PLD1: variants seen among roughly 807,000 people sequenced by gnomAD.
PLD1 encodes phospholipase D1, also known as choline phosphatase 1.
In PLD1, 112 loss-of-function variants were observed where a neutral mutation model predicts 137.1. That is an observed-to-expected ratio of 0.82 (90% CI 0.70 to 0.96). PLD1 has a LOEUF of 0.96. Ranked by LOEUF, PLD1 falls within the 40% of genes least tolerant of loss-of-function variation. PLD1 has a pLI of 0.00. For missense variants in PLD1, 1,321 were observed against 1,342.0 expected (o/e 0.98, Z 0.24); for synonymous variants, 431 against 454.7 (o/e 0.95, Z 0.66).
chr3:171,768,277 A>G (rs1722112148), intron 1 of PLD1, among the ~76,000 whole-genome samples: 1 of 152,000 alleles, frequency 6.6e-6, no homozygotes, highest in African/African-American at 2.4e-5. Flanking sequence ...TGGCATCACA[A>G]TCTCCCACAT....
rs77249550 is a variant in PLD1, at chr3:171,764,330, T to A, written c.-31-26248A>T. Among the ~76,000 whole-genome samples the A allele has an allele frequency of 2.1e-3, 319 of 152,340 alleles. 3 individuals are homozygous for A. Among genetic ancestry groups the A allele is most frequent in the South Asian group, 0.017 (82 of 4,826 alleles). Reference sequence around the variant, plus strand: ...ACTAATATTCATTTAACACTTATAATGTATGGGGCATTATGATAAGCTTTT... The same window carrying A: ...ACTAATATTCATTTAACACTTATAAAGTATGGGGCATTATGATAAGCTTTT... On this transcript the variant is annotated intron_variant, in intron 1 of 26. Coordinates refer to ENST00000351298, the MANE Select transcript of PLD1 (RefSeq NM_002662.5).
intron 1 of PLD1, among the ~76,000 whole-genome samples, chr3:171,747,949 T>C (rs1168927713): frequency 6.6e-6 from 1 of 152,222 alleles, no homozygotes; most frequent in African/African-American, 2.4e-5. Flanking sequence ...AAAATATCTG[T>C]TTTACATGAA....
At chr3:171,747,238 C>T (rs1005783165) in intron 1 of PLD1, among the ~76,000 whole-genome samples, 1 of 152,192 alleles carries the variant, frequency 6.6e-6, no homozygotes, top group African/African-American at 2.4e-5. Flanking sequence ...GAAGTCAGTG[C>T]AGACCAAGAA....
At position 171,692,350 on chromosome 3, in the gene PLD1, A is replaced by G; in HGVS notation, c.1320T>C (p.Arg440=). ...NSEYTKRTLM[R]LHPNIKVMRH... ...TGAATACCTTTATGTTGGGATGTAG[A>G]CGCATCAAAGTCCTCTTGGTGTATT... is the stretch of plus-strand genomic sequence containing the variant. Residue 440 remains arginine, a synonymous_variant, in exon 13 of 27, where the codon CGT becomes CGC. Coordinates refer to ENST00000351298, the MANE Select transcript of PLD1 (RefSeq NM_002662.5). 6.6e-7 allele frequency: 1 copy of G among 1,508,550 alleles called. No individual in the cohort carries two copies. The highest frequency in any genetic ancestry group is 9.2e-7 in the Non-Finnish European group (1 of 1,083,692). The allele number at this position is 1,508,550 out of a possible 1,614,324, so 93.4% of individuals were successfully genotyped here. A position where few individuals can be genotyped will look rare whatever the true frequency, so the allele number is the denominator to read the frequency against.
chr3:171,661,073 C>T (rs566847748), intron 20 of PLD1, among the ~76,000 whole-genome samples: 1 of 152,292 alleles, frequency 6.6e-6, no homozygotes, highest in South Asian at 2.1e-4. Context: ...CGCTCATTTT[C>T]CACTAATGTC....
intron 16 of PLD1, among the ~76,000 whole-genome samples, chr3:171,682,932 T>A (rs986109553): frequency 7.2e-5 from 11 of 152,228 alleles, no homozygotes; most frequent in Non-Finnish European, 2.9e-5. Flanking sequence ...TATTTATATT[T>A]GACTATAAAA....
At position 171,737,569 on chromosome 3, in the gene PLD1, T is replaced by C; in HGVS notation, c.251A>G (p.Gln84Arg). 6.2e-7 allele frequency: 1 copy of C among 1,613,076 alleles called. No individual in the cohort carries two copies. The highest frequency in any genetic ancestry group is 8.5e-7 in the Non-Finnish European group (1 of 1,179,700). ...TYLSGCPIKA[Q>R]VLEVERFTST... ...TGTGAAGCGTTCCACTTCCAGAACT[T>C]GTGCTTTTATTGGACAGCCGGAGAG... The change falls in exon 3 of 27, where the codon CAA becomes CGA. Residue 84 changes from glutamine (Q) to arginine (R), a missense_variant. Transcript: ENST00000351298.
intron 11 of PLD1, among the ~76,000 whole-genome samples, chr3:171,703,567 CAAT>C (rs764602883): frequency 1.5e-4 from 23 of 151,776 alleles, no homozygotes; most frequent in Non-Finnish European, 2.2e-4. Flanking sequence ...ATATAATTTA[CAAT>C]AATATCAAAA....
intron 23 of PLD1, among the ~76,000 whole-genome samples, chr3:171,620,738 C>CTATATA (rs1475678565): frequency 1.3e-4 from 10 of 77,070 alleles, no homozygotes; most frequent in African/African-American, 1.7e-4. Context: ...CTCTCTCTCT[C>CTATATA]TCTCTATATA....
chr3:171,763,852 T>TTTTTTTTTTTTTTTTTTTTTTTTTTTTTC (rs1721619039), intron 1 of PLD1, among the ~76,000 whole-genome samples: 1 of 98,098 alleles, frequency 1.0e-5, no homozygotes, highest in Non-Finnish European at 2.1e-5. Context: ...TTTTTTTTTT[T>TTTTTTTTTTTTTTTTTTTTTTTTTTTTTC]GAGATAGAGT....
chr3:171,653,179 G>C (rs1190235926), intron 21 of PLD1: 2 of 152,122 alleles, frequency 1.3e-5, no homozygotes, highest in Non-Finnish European at 2.9e-5. Context: ...CCATAAAGTT[G>C]ATACAAAGAC....
At chr3:171,656,808 G>T (rs1171318704) in intron 21 of PLD1, among the ~76,000 whole-genome samples, 1 of 152,224 alleles carries the variant, frequency 6.6e-6, no homozygotes, top group African/African-American at 2.4e-5. Context: ...GTAGGCCACG[G>T]AATACTCACA....
chr3:171,688,964 C>T (rs1714856669), intron 13 of PLD1, 88 bp from the exon 14 acceptor site: 3 of 910,776 alleles, frequency 3.3e-6, no homozygotes, highest in Non-Finnish European at 5.3e-6. Flanking sequence ...CCCTGAAAAG[C>T]ATTTTCTATA....
chr3:171,678,393 T>C (rs2422377), intron 16 of PLD1, among the ~76,000 whole-genome samples: 36,149 of 152,144 alleles, frequency 0.24, 4,626 homozygotes, highest in African/African-American at 0.34. Context: ...AAAAATATGG[T>C]AACAACAGAT....
At chr3:171,655,886 G>A (rs1341362619) in intron 21 of PLD1, among the ~76,000 whole-genome samples, 2 of 152,136 alleles carry the variant, frequency 1.3e-5, no homozygotes, top group African/African-American at 4.8e-5. Context: ...AAAAAAATGA[G>A]ACTATTGAGA....
At chr3:171,758,287 G>A (rs180682933) in intron 1 of PLD1, among the ~76,000 whole-genome samples, 3 of 152,314 alleles carry the variant, frequency 2.0e-5, no homozygotes, top group Admixed American at 1.3e-4. Context: ...GCTGGTGGGT[G>A]GCAGAAAGAT....
intron 20 of PLD1, among the ~76,000 whole-genome samples, chr3:171,659,983 C>T (rs1737533781): frequency 2.0e-5 from 3 of 152,240 alleles, no homozygotes; most frequent in East Asian, 1.9e-4. Context: ...CAAGTTACAA[C>T]ATTATCATAA....
chr3:171,722,014 C>T (rs140919000), intron 8 of PLD1, among the ~76,000 whole-genome samples: 4 of 152,198 alleles, frequency 2.6e-5, no homozygotes, highest in African/African-American at 9.6e-5. Context: ...CTCAATTCCA[C>T]ATTTAAACAT....
At chr3:171,724,588 T>A in intron 8 of PLD1, 108 bp downstream of exon 8, 1 of 665,580 alleles carries the variant, frequency 1.5e-6, no homozygotes. Context: ...TAAAAATTTG[T>A]TCTGCCATTG....
Sources: gnomAD v4.1 joint callset for allele counts (sites outside exome capture counted in the v4.1 genomes callset) on GRCh38, gnomAD v4.1.1 for gene constraint, MANE v1.5 for transcripts, NCBI Gene and HGNC (gene_info 2026-07-23, HGNC 2026-07-21) for gene names.